GALNT13: variants seen among roughly 807,000 people sequenced by gnomAD.
GALNT13 encodes the protein UDP-GalNAc:polypeptide N-acetylgalactosaminyltransferase 13.
Under a neutral mutation model 64.2 loss-of-function variants are expected in GALNT13, and 28 were observed. The observed-to-expected ratio is 0.44, with a 90% CI of 0.32 to 0.60. The LOEUF (loss-of-function observed/expected upper bound fraction) is 0.60. Ranked by LOEUF, GALNT13 falls within the 20% of genes least tolerant of loss-of-function variation. The pLI, the probability that GALNT13 is intolerant of heterozygous loss-of-function variation, is 0.05. For missense variants in GALNT13, 577 were observed against 669.8 expected, an observed-to-expected ratio of 0.86 and a Z score of 1.53; for synonymous variants, 214 against 224.6, an observed-to-expected ratio of 0.95 and a Z score of 0.42.
At chr2:153,893,992 G>A (rs1388890214) in intron 1 of GALNT13, among the ~76,000 whole-genome samples, 2 of 152,162 alleles carry the variant, frequency 1.3e-5, no homozygotes, top group East Asian at 3.9e-4. Flanking sequence ...TGTTTACTGG[G>A]AATGGAGTGC....
chr2:153,936,171 A>G (rs1029661804), intron 2 of GALNT13, among the ~76,000 whole-genome samples: 8 of 152,248 alleles, frequency 5.3e-5, no homozygotes, highest in African/African-American at 1.9e-4. Context: ...ACACAATAAA[A>G]ATAGAAATAC....
intron 3 of GALNT13, among the ~76,000 whole-genome samples, chr2:154,033,007 G>A (rs7565078): frequency 2.6e-5 from 4 of 151,134 alleles, no homozygotes; most frequent in African/African-American, 7.3e-5. Flanking sequence ...TATTGGGTGC[G>A]AAAGATACAG....
intron 7 of GALNT13, among the ~76,000 whole-genome samples, chr2:154,253,607 C>T (rs553537473): frequency 4.6e-5 from 7 of 152,094 alleles, no homozygotes; most frequent in Non-Finnish European, 1.0e-4. Context: ...ATAGTGAGAC[C>T]CAGTCTCAAA....
chr2:154,271,654 C>T (rs1691360600), intron 8 of GALNT13, among the ~76,000 whole-genome samples: 1 of 151,836 alleles, frequency 6.6e-6, no homozygotes, highest in Non-Finnish European at 1.5e-5. Context: ...GAATTGTAAG[C>T]ATATACTGTA....
At chr2:153,294,124 A>G in the GALNT13 span, among the ~76,000 whole-genome samples, 3 of 141,076 alleles carry the variant, frequency 2.1e-5, no homozygotes, top group African/African-American at 4.9e-5. Context: ...CACCTGGCCT[A>G]TCTTTTCTTT....
chr2:154,253,952 A>G (rs1690226947), intron 7 of GALNT13, among the ~76,000 whole-genome samples: 1 of 152,190 alleles, frequency 6.6e-6, no homozygotes, highest in African/African-American at 2.4e-5. Context: ...AATACTATAT[A>G]CAATAAGAAT....
chr2:153,391,763 C>A, the GALNT13 span, among the ~76,000 whole-genome samples: 1 of 151,690 alleles, frequency 6.6e-6, no homozygotes, highest in Non-Finnish European at 1.5e-5. Context: ...TGCTTCTGTG[C>A]CCTTTTACTC....
At chr2:154,074,821 T>C (rs1451492966) in intron 3 of GALNT13, among the ~76,000 whole-genome samples, 1 of 151,746 alleles carries the variant, frequency 6.6e-6, no homozygotes, top group African/African-American at 2.4e-5. Flanking sequence ...ACATAATAGA[T>C]GCAGAAAAGT....
chr2:154,307,161 G>C (rs1047612604), intron 9 of GALNT13, among the ~76,000 whole-genome samples: 2 of 151,926 alleles, frequency 1.3e-5, no homozygotes, highest in African/African-American at 2.4e-5. Flanking sequence ...TTTTCCATAG[G>C]AAAAGAAAAT....
At chr2:154,208,916 C>A (rs1267071734) in intron 4 of GALNT13, among the ~76,000 whole-genome samples, 1 of 151,936 alleles carries the variant, frequency 6.6e-6, no homozygotes, top group African/African-American at 2.4e-5. Context: ...TTAATTTTGT[C>A]TCTGTCCTGC....
At chr2:153,777,056 T>G in the GALNT13 span, among the ~76,000 whole-genome samples, 1 of 152,150 alleles carries the variant, frequency 6.6e-6, no homozygotes, top group Non-Finnish European at 1.5e-5. Context: ...TTGTTTTGTT[T>G]TGTTTTAAAT....
the GALNT13 span, among the ~76,000 whole-genome samples, chr2:153,372,793 A>G: frequency 7.9e-5 from 12 of 152,266 alleles, no homozygotes; most frequent in East Asian, 1.9e-3. Flanking sequence ...TGAGCATCAT[A>G]TGGGTTTTGC....
At chr2:154,103,807 T>C (rs1331011616) in intron 3 of GALNT13, among the ~76,000 whole-genome samples, 1 of 152,160 alleles carries the variant, frequency 6.6e-6, no homozygotes, top group Non-Finnish European at 1.5e-5. Flanking sequence ...GTTGTGGCAA[T>C]GTATTTGGCG....
the GALNT13 span, among the ~76,000 whole-genome samples, chr2:153,745,237 A>G: frequency 6.6e-6 from 1 of 152,170 alleles, no homozygotes; most frequent in Admixed American, 6.6e-5. Flanking sequence ...AACAATGAAG[A>G]AGCGAGAGCT....
the GALNT13 span, among the ~76,000 whole-genome samples, chr2:153,549,988 C>T: frequency 2.6e-5 from 4 of 152,116 alleles, no homozygotes; most frequent in Non-Finnish European, 4.4e-5. Flanking sequence ...GCTACCGTAG[C>T]AATAGCTAAG....
the GALNT13 span, among the ~76,000 whole-genome samples, chr2:153,649,627 CT>C: frequency 6.6e-6 from 1 of 152,130 alleles, no homozygotes; most frequent in African/African-American, 2.4e-5. Context: ...CCTCTACACA[CT>C]GCTTTAAATG....
At chr2:153,979,477 T>TC (rs1645163736) in intron 3 of GALNT13, among the ~76,000 whole-genome samples, 3 of 152,136 alleles carry the variant, frequency 2.0e-5, no homozygotes, top group African/African-American at 7.2e-5. Context: ...GAGATTATGG[T>TC]CTTTGAGAAA....
At chr2:154,098,429 T>A (rs941740037) in intron 3 of GALNT13, among the ~76,000 whole-genome samples, 13 of 152,210 alleles carry the variant, frequency 8.5e-5, no homozygotes, top group African/African-American at 2.4e-4. Context: ...TATTTTTCAA[T>A]GAAAATGGTT....
chr2:154,045,423 C>T (rs531669732), intron 3 of GALNT13, among the ~76,000 whole-genome samples: 1 of 152,180 alleles, frequency 6.6e-6, no homozygotes, highest in African/African-American at 2.4e-5. Context: ...GATTTACTGA[C>T]ACGAAATGCT....
Sources: gnomAD v4.1 joint callset for allele counts (sites outside exome capture counted in the v4.1 genomes callset) on GRCh38, gnomAD v4.1.1 for gene constraint, MANE v1.5 for transcripts, NCBI Gene and HGNC (gene_info 2026-07-23, HGNC 2026-07-21) for gene names.